The following PTPRR variants were observed in gnomAD, a reference collection of about 807,000 sequenced individuals.
PTPRR encodes the protein receptor-type tyrosine-protein phosphatase R.
In PTPRR, 38 loss-of-function variants were observed where a neutral mutation model predicts 77.2. That is an observed-to-expected ratio of 0.49 (90% confidence interval 0.38 to 0.65). The LOEUF is 0.65. Ranked by LOEUF, PTPRR falls within the 30% of genes least tolerant of loss-of-function variation. The pLI is 0.00. For missense variants in PTPRR, 744 were observed against 799.2 expected (o/e 0.93, Z 0.83); for synonymous variants, 299 against 283.1 (o/e 1.06, Z -0.57).
intron 2 of PTPRR, among the ~76,000 whole-genome samples, chr12:70,846,166 G>C (rs1021476516): frequency 1.3e-5 from 2 of 152,166 alleles, no homozygotes; most frequent in African/African-American, 4.8e-5. Flanking sequence ...TTGAAGGATA[G>C]TGTTATGGTT....
At chr12:70,702,072 C>T (rs954645870) in intron 6 of PTPRR, among the ~76,000 whole-genome samples, 5 of 152,074 alleles carry the variant, frequency 3.3e-5, no homozygotes, top group African/African-American at 4.8e-5. Flanking sequence ...AATTGACACA[C>T]GAATTCATTT....
At chr12:70,825,254 G>A (rs1477779229) in intron 2 of PTPRR, among the ~76,000 whole-genome samples, 2 of 151,800 alleles carry the variant, frequency 1.3e-5, no homozygotes, top group Non-Finnish European at 2.9e-5. Context: ...CTCCAGCCTG[G>A]GCGACAGAGC....
rs144545732 is a variant in PTPRR, at chr12:70,804,433, C to G, written c.358-39655G>C. Among the ~76,000 whole-genome samples the G allele has an allele frequency of 2.2e-3, 339 of 152,008 alleles. 1 individual carries two copies. The highest frequency in any genetic ancestry group is 6.8e-3 in the Middle Eastern group (2 of 294). On this transcript the variant is annotated intron_variant, in intron 2 of 13. Coordinates refer to ENST00000283228, the MANE Select transcript of PTPRR (RefSeq NM_002849.4). ...AATTAGGCAGCCATGGTGATATACA[C>G]CTGTAGTCCCAGCTACTTGGGAGGC...
intron 2 of PTPRR, among the ~76,000 whole-genome samples, chr12:70,870,475 T>A (rs1892940443): frequency 1.3e-5 from 2 of 152,200 alleles, no homozygotes; most frequent in African/African-American, 4.8e-5. Flanking sequence ...AGATTAAGTT[T>A]TGCTCCCTAT....
intron 2 of PTPRR, among the ~76,000 whole-genome samples, chr12:70,801,535 G>T (rs192778001): frequency 6.6e-6 from 1 of 152,164 alleles, no homozygotes; most frequent in Admixed American, 6.5e-5. Context: ...CTTGTACGTG[G>T]ATTCAGATTC....
chr12:70,799,166 A>T (rs1891569555), intron 2 of PTPRR, among the ~76,000 whole-genome samples: 1 of 152,180 alleles, frequency 6.6e-6, no homozygotes, highest in Non-Finnish European at 1.5e-5. Context: ...CTCAAAAAAC[A>T]GTCCAGAGTA....
intron 5 of PTPRR, among the ~76,000 whole-genome samples, chr12:70,752,425 G>A (rs1004859235): frequency 8.5e-5 from 13 of 152,304 alleles, no homozygotes; most frequent in Admixed American, 7.2e-4. Context: ...CTGGCCCCAA[G>A]TGGTTGAGGG....
intron 6 of PTPRR, among the ~76,000 whole-genome samples, chr12:70,708,081 G>T (rs115855933): frequency 1.3e-3 from 198 of 152,020 alleles, no homozygotes; most frequent in African/African-American, 4.2e-3. Flanking sequence ...CAAATGCCAG[G>T]GGCTCTTTCC....
At chr12:70,823,023 T>A (rs1159666471) in intron 2 of PTPRR, among the ~76,000 whole-genome samples, 3 of 151,790 alleles carry the variant, frequency 2.0e-5, no homozygotes, top group Non-Finnish European at 4.4e-5. Flanking sequence ...TCCTTTTCCC[T>A]TAAGTTTTGC....
intron 2 of PTPRR, among the ~76,000 whole-genome samples, chr12:70,766,837 A>G (rs932096436): frequency 5.9e-5 from 9 of 152,234 alleles, no homozygotes; most frequent in African/African-American, 2.2e-4. Context: ...TCTACAAGCC[A>G]GAAGAGAGTG....
At chr12:70,662,077 C>T (rs1393354263) in intron 11 of PTPRR, among the ~76,000 whole-genome samples, 2 of 152,146 alleles carry the variant, frequency 1.3e-5, no homozygotes, top group African/African-American at 4.8e-5. Context: ...TCAGGCTTGC[C>T]TTGCTTCCCA....
intron 2 of PTPRR, among the ~76,000 whole-genome samples, chr12:70,815,075 G>A (rs1451725575): frequency 2.0e-5 from 3 of 148,648 alleles, no homozygotes; most frequent in East Asian, 2.0e-4. Flanking sequence ...TTACAACTAC[G>A]CTCCATACAC....
chr12:70,648,853 A>T (rs963553769), intron 13 of PTPRR, among the ~76,000 whole-genome samples: 1 of 149,272 alleles, frequency 6.7e-6, no homozygotes, highest in Admixed American at 6.6e-5. Flanking sequence ...GGTGCCTTGC[A>T]CTGAATTTGA....
chr12:70,800,747 T>G (rs1002798154), intron 2 of PTPRR, among the ~76,000 whole-genome samples: 1 of 151,826 alleles, frequency 6.6e-6, no homozygotes, highest in African/African-American at 2.4e-5. Context: ...ATACAAAAAT[T>G]AGCTGGGTGT....
At chr12:70,642,623 C>A (rs1358551540) in intron 13 of PTPRR, among the ~76,000 whole-genome samples, 2 of 152,068 alleles carry the variant, frequency 1.3e-5, no homozygotes, top group Non-Finnish European at 2.9e-5. Flanking sequence ...ATGGCATGGT[C>A]TTCTTCTACT....
chr12:70,709,948 A>G (rs1030728720), intron 6 of PTPRR, among the ~76,000 whole-genome samples: 1 of 151,994 alleles, frequency 6.6e-6, no homozygotes, highest in African/African-American at 2.4e-5. Flanking sequence ...ATGGCACTTA[A>G]TATTAATTAA....
chr12:70,827,808 C>T (rs1892141169), intron 2 of PTPRR, among the ~76,000 whole-genome samples: 1 of 149,758 alleles, frequency 6.7e-6, no homozygotes, highest in African/African-American at 2.5e-5. Context: ...ACCTCCACCT[C>T]CTCCTGGGTT....
chr12:70,783,884 G>T (rs1168009402), intron 2 of PTPRR, among the ~76,000 whole-genome samples: 2 of 100,002 alleles, frequency 2.0e-5, no homozygotes, highest in Non-Finnish European at 4.2e-5. Context: ...GGCGGGGGGC[G>T]GGGGTTGGCA....
chr12:70,726,963 G>T (rs1004036789), intron 6 of PTPRR, among the ~76,000 whole-genome samples: 4 of 151,914 alleles, frequency 2.6e-5, no homozygotes, highest in African/African-American at 9.7e-5. Flanking sequence ...TTACGCAGGG[G>T]ATGGCTAGGG....
Sources: allele counts gnomAD v4.1 joint callset (sites outside exome capture counted in the v4.1 genomes callset), GRCh38; gene constraint gnomAD v4.1.1; transcripts MANE v1.5; gene names NCBI Gene and HGNC (gene_info 2026-07-23, HGNC 2026-07-21).